OGG1: variants seen among roughly 807,000 people sequenced by gnomAD.
OGG1 encodes the protein 8-oxoguanine DNA glycosylase.
OGG1 carries 35 observed loss-of-function variants against 42.3 expected under a neutral mutation model. The observed-to-expected ratio is 0.83, with a 90% confidence interval of 0.63 to 1.10. The LOEUF is 1.10. Ranked by LOEUF, OGG1 falls within the 50% of genes least tolerant of loss-of-function variation. The pLI is 0.00. For missense variants in OGG1, 484 were observed against 446.7 expected (o/e 1.08, Z -0.75); for synonymous variants, 189 against 179.0 (o/e 1.06, Z -0.44).
intron 7 of OGG1, among the ~76,000 whole-genome samples, chr3:9,762,612 G>A (rs1235500726): frequency 5.3e-5 from 8 of 151,978 alleles, no homozygotes; most frequent in Admixed American, 2.6e-4. Flanking sequence ...TGATCCACCC[G>A]TCTCTGCCTC....
chr3:9,789,931 G>A (rs146533568), downstream of OGG1: 353 of 1,609,140 alleles, frequency 2.2e-4, 1 homozygote, highest in African/African-American at 4.3e-3. Context: ...GGAATCGTCT[G>A]TCACCTTTCT....
At position 9,754,496 on chromosome 3, in the gene OGG1, G is replaced by A. The variant is rs1041422468; in HGVS notation, c.566-208G>A. ...TGGGCTCCGGGGCCAATTCATAGCAGGTGCTCAGAAAACATGTGTAGAGGG... is the reference window on the plus strand; with the variant it reads ...TGGGCTCCGGGGCCAATTCATAGCAAGTGCTCAGAAAACATGTGTAGAGGG... On this transcript the variant is annotated intron_variant, in intron 3 of 6. Transcript: ENST00000344629. Among the ~76,000 whole-genome samples, 18 of 152,170 alleles carry A rather than the reference G, an allele frequency of 1.2e-4. 1 individual carries two copies. Among genetic ancestry groups the A allele is most frequent in the African/African-American group, 4.3e-4 (18 of 41,424 alleles).
chr3:9,780,610 T>G, intron 2 of OGG1: 1 of 1,511,516 alleles, frequency 6.6e-7, no homozygotes, highest in South Asian at 1.2e-5. Flanking sequence ...AACCCCTCCC[T>G]CTTCAAGACC....
downstream of OGG1, chr3:9,789,757 G>C (rs750333465): frequency 1.9e-6 from 3 of 1,614,090 alleles, no homozygotes; most frequent in Non-Finnish European, 2.5e-6. Flanking sequence ...CGTCGATAGG[G>C]TCATCAGTGA....
Position 9,754,700 on chromosome 3 carries a change from G to A in OGG1, c.566-4G>A, listed in dbSNP as rs115073420. The A allele has an allele frequency of 0.019, 31,047 of 1,613,860 alleles. 383 individuals are homozygous for A. The highest frequency in any genetic ancestry group is 0.026 in the South Asian group (2,393 of 90,966). ...ATGCTTGCCCTCCTCCTCACTCCCC[G>A]CAGGGCCAGAGGTGGAGGCTCATCT... On this transcript the variant is annotated splice_region_variant and splice_polypyrimidine_tract_variant and intron_variant, in intron 3 of 6. Coordinates refer to ENST00000344629, the MANE Select transcript of OGG1 (RefSeq NM_002542.6).
rs1454248963 is a variant in OGG1 at position 9,750,059 on chromosome 3, A to C, written c.-228A>C. On this transcript the variant is annotated 5_prime_UTR_variant, in exon 1 of 7. Transcript: ENST00000344629. ...GTCGCAAGGAGGGGGCGGGACCTACACCTCAGGAAAGCCGGAGAATTGGGG... is the reference window on the plus strand; with the variant it reads ...GTCGCAAGGAGGGGGCGGGACCTACCCCTCAGGAAAGCCGGAGAATTGGGG... 1.7e-6 allele frequency: 1 copy of C among 600,164 alleles called. No individual in the cohort carries two copies. The highest frequency in any genetic ancestry group is 2.9e-6 in the Non-Finnish European group (1 of 342,972). The allele number at this position is 600,164 out of a possible 1,614,324, so 37.2% of individuals were successfully genotyped here.
Position 9,751,882 on chromosome 3 carries a change from TG to T in OGG1, c.500del (p.Gly167AspfsTer42), listed in dbSNP as rs752053659. The T allele has an allele frequency of 6.2e-6, 10 of 1,614,202 alleles. No individual in the cohort carries two copies. Among genetic ancestry groups the T allele is most frequent in the Non-Finnish European group, 6.8e-6 (8 of 1,180,034 alleles). On this transcript the variant is annotated frameshift_variant, in exon 3 of 7. Transcript: ENST00000344629. LOFTEE classifies it high-confidence loss of function. ...TGGTGGAGCGGCTGTGCCAGGCTTT[TG>T]GACCTCGGCTCATCCAGCTTGATGA... ...GMVERLCQAFGPRLIQLDDVT... is the reference protein window; with the variant it reads ...GMVERLCQAFXPRLIQLDDVT...
chr3:9,764,218 G>T (rs1166795766), intron 7 of OGG1, among the ~76,000 whole-genome samples: 1 of 152,232 alleles, frequency 6.6e-6, no homozygotes, highest in East Asian at 1.9e-4. Flanking sequence ...GATCATGTGA[G>T]ATAATGCAGG....
chr3:9,763,050 AC>A, intron 7 of OGG1: 2 of 1,614,002 alleles, frequency 1.2e-6, no homozygotes, highest in South Asian at 2.2e-5. Context: ...CCCACCCGAC[AC>A]CCTGCAGCAG....
intron 3 of OGG1, among the ~76,000 whole-genome samples, chr3:9,753,322 C>T (rs1435408520): frequency 1.5e-5 from 2 of 130,934 alleles, no homozygotes; most frequent in African/African-American, 2.7e-5. Flanking sequence ...CCAGCCTGGG[C>T]GACAGGGCGA....
downstream of OGG1, among the ~76,000 whole-genome samples, chr3:9,769,024 C>T (rs1177473863): frequency 2.0e-5 from 3 of 152,066 alleles, no homozygotes; most frequent in African/African-American, 4.8e-5. Flanking sequence ...CAGCCCTGAA[C>T]TCAAACACCT....
At chr3:9,760,404 G>A (rs1215916233), downstream of OGG1, 20 of 430,034 alleles carry the variant, frequency 4.7e-5, no homozygotes, top group Non-Finnish European at 7.8e-5. Context: ...GTGTCAATAG[G>A]GGAGAGGTAT....
chr3:9,789,654 C>T, downstream of OGG1: 4 of 1,611,094 alleles, frequency 2.5e-6, no homozygotes, highest in South Asian at 2.2e-5. Flanking sequence ...GCCCCTGCCC[C>T]ACCAGTGCCT....
chr3:9,756,855 T>G (rs754745340), intron 6 of OGG1, 39 bp downstream of exon 6: 1 of 1,612,882 alleles, frequency 6.2e-7, no homozygotes, highest in Non-Finnish European at 8.5e-7. Flanking sequence ...TTTCCTCTCC[T>G]CCAGCCCAGA....
At chr3:9,756,723 C>A in intron 5 of OGG1, 44 bp from the exon 6 acceptor site, 1 of 1,613,516 alleles carries the variant, frequency 6.2e-7, no homozygotes, top group South Asian at 1.1e-5. Context: ...GTTGATGGGT[C>A]ACAGAAGGGG....
At chr3:9,787,085 G>A (rs1243428966) in intron 3 of OGG1, 2 of 1,614,248 alleles carry the variant, frequency 1.2e-6, no homozygotes, top group East Asian at 2.2e-5. Flanking sequence ...CTGGGCCTCA[G>A]ACTTCTTCAG....
chr3:9,764,617 G>GTTTTTTTTTTTTTTTTTTTTTTT (rs202012854), intron 7 of OGG1, among the ~76,000 whole-genome samples: 1 of 93,432 alleles, frequency 1.1e-5, no homozygotes, highest in Non-Finnish European at 2.2e-5. Context: ...TGGCGTTTTT[G>GTTTTTTTTTTTTTTTTTTTTTTT]TTTTTTTTTT....
chr3:9,768,022 C>T (rs912693956), downstream of OGG1, among the ~76,000 whole-genome samples: 1 of 152,212 alleles, frequency 6.6e-6, no homozygotes, highest in African/African-American at 2.4e-5. Context: ...TTCATTCATT[C>T]ATTTATTCTA....
intron 3 of OGG1, chr3:9,785,410 G>C: frequency 6.2e-7 from 1 of 1,613,250 alleles, no homozygotes; most frequent in South Asian, 1.1e-5. Flanking sequence ...TCCTCCATAG[G>C]GGAAATAATA....
Sources: gnomAD v4.1 joint callset for allele counts (sites outside exome capture counted in the v4.1 genomes callset) on GRCh38, gnomAD v4.1.1 for gene constraint, MANE v1.5 for transcripts, NCBI Gene and HGNC (gene_info 2026-07-23, HGNC 2026-07-21) for gene names.